SAMD4A: variants seen among roughly 807,000 people sequenced by gnomAD.
SAMD4A encodes the protein protein Smaug homolog 1.
In SAMD4A, 33 loss-of-function variants were observed where a neutral mutation model predicts 81.3. That is an observed-to-expected ratio of 0.41 (90% CI 0.31 to 0.54). The LOEUF is 0.54. SAMD4A is among the 20% of genes least tolerant of loss of function. SAMD4A has a pLI of 0.37. For missense variants in SAMD4A, 854 were observed against 951.1 expected (o/e 0.90, Z 1.34); for synonymous variants, 389 against 382.1 (o/e 1.02, Z -0.21).
intron 6 of SAMD4A, among the ~76,000 whole-genome samples, chr14:54,755,928 T>C (rs2038227206): frequency 6.6e-6 from 1 of 152,028 alleles, no homozygotes; most frequent in South Asian, 2.1e-4. Flanking sequence ...GAAGGAAATA[T>C]ACACACACAC....
At chr14:54,778,085 C>T (rs1406150570) in intron 11 of SAMD4A, among the ~76,000 whole-genome samples, 1 of 152,220 alleles carries the variant, frequency 6.6e-6, no homozygotes, top group Non-Finnish European at 1.5e-5. Context: ...TTGAATGGGT[C>T]TTTCACCCTG....
intron 8 of SAMD4A, among the ~76,000 whole-genome samples, chr14:54,769,789 G>C (rs756369584): frequency 6.6e-6 from 1 of 152,156 alleles, no homozygotes; most frequent in African/African-American, 2.4e-5. Flanking sequence ...ATTCATTCTT[G>C]GTTAATAAAT....
rs2032992627 is a variant in SAMD4A at position 54,568,051 on chromosome 14, G to A, written c.135G>A (p.Leu45=). Residue 45 remains leucine, a synonymous_variant, in exon 2 of 13, where the codon CTG becomes CTA. Coordinates refer to ENST00000554335, the MANE Select transcript of SAMD4A (RefSeq NM_015589.6). ...QTQARFLQLC[L]EHSLADCAEL... is the part of the protein sequence containing the mutation. ...AGGCCCGCTTCCTCCAGCTCTGCCT[G>A]GAGCACTCGCTGGCCGACTGCGCCG... 1.3e-6 allele frequency: 2 copies of A among 1,597,130 alleles called. No homozygotes were observed. The highest frequency in any genetic ancestry group is 1.7e-6 in the Non-Finnish European group (2 of 1,177,330).
rs117640551 is a variant in SAMD4A, at chr14:54,765,089, T to C, written c.1596+549T>C. On this transcript the variant is annotated intron_variant, in intron 8 of 12. Coordinates refer to ENST00000554335, the MANE Select transcript of SAMD4A (RefSeq NM_015589.6). Reference sequence around the variant, plus strand: ...ACTGGACCCTCAGGCACAGTCTTCATATACAGAGTGAGATAGACCCTTTGG... The same window carrying C: ...ACTGGACCCTCAGGCACAGTCTTCACATACAGAGTGAGATAGACCCTTTGG... Among the ~76,000 whole-genome samples the C allele has an allele frequency of 2.8e-3, 428 of 152,228 alleles. 1 individual carries two copies. Among genetic ancestry groups the C allele is most frequent in the African/African-American group, 9.7e-3 (402 of 41,534 alleles).
chr14:54,690,685 G>T (rs896351340), intron 2 of SAMD4A, among the ~76,000 whole-genome samples: 9 of 152,170 alleles, frequency 5.9e-5, no homozygotes, highest in African/African-American at 1.9e-4. Context: ...CTAGCACTAG[G>T]CCATATACAT....
At chr14:54,784,422 G>C (rs780308225) in intron 11 of SAMD4A, 115 bp from the exon 12 acceptor site, 4 of 1,608,300 alleles carry the variant, frequency 2.5e-6, no homozygotes, top group East Asian at 2.2e-5. Flanking sequence ...TGCCAGCGCT[G>C]ACAGTCCCCA....
At chr14:54,630,908 ATGTGTGTG>A (rs5808786) in intron 2 of SAMD4A, among the ~76,000 whole-genome samples, 2,572 of 144,306 alleles carry the variant, frequency 0.018, 56 homozygotes, top group Admixed American at 0.046. Flanking sequence ...TGTATTTTAT[ATGTGTGTG>A]TGTGTGTGTG....
chr14:54,788,574 C>A (rs1356940714), intron 12 of SAMD4A, among the ~76,000 whole-genome samples: 3 of 152,190 alleles, frequency 2.0e-5, no homozygotes, highest in Non-Finnish European at 4.4e-5. Context: ...TCATTCCTTC[C>A]TCCACGATCC....
intron 2 of SAMD4A, among the ~76,000 whole-genome samples, chr14:54,627,107 A>T (rs2034782422): frequency 6.6e-6 from 1 of 152,200 alleles, no homozygotes; most frequent in Non-Finnish European, 1.5e-5. Context: ...ACTATAACTC[A>T]ACTAACTCAT....
rs531467391 is a variant in SAMD4A at position 54,773,767 on chromosome 14, G to A, written c.1716-1167G>A. Among the ~76,000 whole-genome samples the A allele has an allele frequency of 2.6e-5, 4 of 152,264 alleles. No homozygotes were observed. In the East Asian group the frequency reaches 5.8e-4, roughly 22 times the overall value. On this transcript the variant is annotated intron_variant, in intron 9 of 12. Coordinates refer to ENST00000554335, the MANE Select transcript of SAMD4A (RefSeq NM_015589.6). ...CATCATCTCCGACCTTATATCCCTC[G>A]CCCCACAGGTGGCATCAGCTCTCCC...
intron 2 of SAMD4A, among the ~76,000 whole-genome samples, chr14:54,648,919 G>T (rs1050661380): frequency 1.3e-5 from 2 of 152,192 alleles, no homozygotes; most frequent in African/African-American, 4.8e-5. Context: ...GGCTCAGACA[G>T]GATAGCAGTG....
chr14:54,780,472 G>A (rs7156733), intron 11 of SAMD4A, among the ~76,000 whole-genome samples: 20,787 of 152,166 alleles, frequency 0.14, 3,327 homozygotes, highest in African/African-American at 0.39. Context: ...TGGGTCCAGT[G>A]GGGTGTGGAA....
intron 2 of SAMD4A, among the ~76,000 whole-genome samples, chr14:54,666,233 A>T (rs2035753855): frequency 6.6e-6 from 1 of 152,198 alleles, no homozygotes; most frequent in African/African-American, 2.4e-5. Flanking sequence ...ACCCAGAGGA[A>T]GTACTGGATA....
At chr14:54,774,758 G>T (rs574861107) in intron 9 of SAMD4A, among the ~76,000 whole-genome samples, 176 bp from the exon 10 acceptor site, 1 of 148,398 alleles carries the variant, frequency 6.7e-6, no homozygotes, top group African/African-American at 2.5e-5. Context: ...AGGCTGCAGT[G>T]AGCCTAGATC....
intron 9 of SAMD4A, among the ~76,000 whole-genome samples, chr14:54,773,167 C>A (rs1333512624): frequency 6.6e-6 from 1 of 152,212 alleles, no homozygotes; most frequent in Non-Finnish European, 1.5e-5. Flanking sequence ...CCTGCCACTT[C>A]TCCCCTTAGG....
chr14:54,725,711 C>T (rs2037397139), intron 3 of SAMD4A, among the ~76,000 whole-genome samples: 1 of 152,202 alleles, frequency 6.6e-6, no homozygotes, highest in African/African-American at 2.4e-5. Context: ...ATATGCAAAA[C>T]ATTTTAATGT....
At chr14:54,784,291 GCA>G (rs1292279806) in intron 11 of SAMD4A, 7 of 1,431,710 alleles carry the variant, frequency 4.9e-6, no homozygotes, top group Non-Finnish European at 6.7e-6. Flanking sequence ...AGCAGAGGAG[GCA>G]CAGACTGTGA....
chr14:54,782,330 TTTG>T (rs1270078125), intron 11 of SAMD4A, among the ~76,000 whole-genome samples: 4 of 151,416 alleles, frequency 2.6e-5, no homozygotes, highest in Non-Finnish European at 4.4e-5. Context: ...ATTGCTGAGG[TTTG>T]TTTTTTTTTT....
chr14:54,754,774 ATAGT>A, intron 6 of SAMD4A: 1 of 969,254 alleles, frequency 1.0e-6, no homozygotes, highest in Non-Finnish European at 1.2e-6. Context: ...GGCCCCGCCC[ATAGT>A]TAGTTCATAA....
Sources: allele counts gnomAD v4.1 joint callset (sites outside exome capture counted in the v4.1 genomes callset), GRCh38; gene constraint gnomAD v4.1.1; transcripts MANE v1.5; gene names NCBI Gene and HGNC (gene_info 2026-07-23, HGNC 2026-07-21).